Variants in STOX2 observed in about 807,000 individuals in gnomAD.
The protein encoded by STOX2 is storkhead box 2, also known as storkhead-box protein 2.
Under a neutral mutation model 60.9 loss-of-function variants are expected in STOX2, and 28 were observed. The observed-to-expected ratio is 0.46, with a 90% CI of 0.34 to 0.63. The LOEUF (loss-of-function observed/expected upper bound fraction) is 0.63. STOX2 is among the 30% of genes least tolerant of loss of function. The probability of loss-of-function intolerance (pLI) is 0.01; values close to 1 mark genes in which losing one functional copy is unlikely to be tolerated. For missense variants in STOX2, 1,024 were observed against 1,187.7 expected (o/e 0.86, Z 2.03); for synonymous variants, 472 against 463.9 (o/e 1.02, Z -0.22).
intron 1 of STOX2, among the ~76,000 whole-genome samples, chr4:183,815,267 T>C (rs1295758816): frequency 6.6e-6 from 1 of 152,002 alleles, no homozygotes; most frequent in Non-Finnish European, 1.5e-5. Context: ...GGATTATAGG[T>C]GTGGACCACT....
intron 1 of STOX2, among the ~76,000 whole-genome samples, chr4:183,835,913 C>A (rs943447543): frequency 1.3e-5 from 2 of 152,206 alleles, no homozygotes; most frequent in African/African-American, 4.8e-5. Flanking sequence ...TATGGTAACT[C>A]CATGTTTAAC....
chr4:183,837,578 C>A (rs1052420379), intron 1 of STOX2, among the ~76,000 whole-genome samples: 29 of 152,092 alleles, frequency 1.9e-4, no homozygotes, highest in African/African-American at 6.8e-4. Context: ...CCTGCCTCAG[C>A]CTCCCACGTA....
rs572515876 is a variant in STOX2 at position 183,820,053 on chromosome 4, C to T, written c.364+21998C>T. 3.9e-5 allele frequency among the ~76,000 whole-genome samples: 6 copies of T among 152,144 alleles called. No individual in the cohort carries two copies. The South Asian group carries it at 1.0e-3, about 26-fold the overall frequency. ...TCTTTTACTCTCTTTTTGAAGTATG[C>T]GCTAGTCACACCATTAAAATGATCT... On this transcript the variant is annotated intron_variant, in intron 1 of 2. Coordinates refer to the STOX2 transcript ENST00000513034.
At chr4:183,798,066 C>T in intron 1 of STOX2, 1 of 1,226,788 alleles carries the variant, frequency 8.2e-7, no homozygotes, top group Non-Finnish European at 1.0e-6. Flanking sequence ...GTGAGTGCGA[C>T]CGCCGCGCGC....
chr4:183,984,651 A>T (rs1732774695), intron 1 of STOX2, among the ~76,000 whole-genome samples: 1 of 152,220 alleles, frequency 6.6e-6, no homozygotes, highest in Admixed American at 6.5e-5. Context: ...CGAGACCATT[A>T]GCCATCAAGC....
chr4:183,807,499 C>T (rs2065393917), intron 1 of STOX2, among the ~76,000 whole-genome samples: 1 of 152,214 alleles, frequency 6.6e-6, no homozygotes. Context: ...GGGTTTGCAG[C>T]CTCTCTGGCC....
chr4:183,911,260 T>C (rs1267287313), intron 1 of STOX2, among the ~76,000 whole-genome samples: 1 of 152,198 alleles, frequency 6.6e-6, no homozygotes, highest in Non-Finnish European at 1.5e-5. Flanking sequence ...CATCCTGAAA[T>C]GTTACATTAA....
intron 1 of STOX2, among the ~76,000 whole-genome samples, chr4:183,802,321 C>T (rs981270903): frequency 5.3e-5 from 8 of 152,176 alleles, no homozygotes; most frequent in African/African-American, 1.9e-4. Flanking sequence ...TTGGTTTTCT[C>T]AAAAAGAGTT....
intron 1 of STOX2, among the ~76,000 whole-genome samples, chr4:183,921,415 A>C (rs866370037): frequency 1.3e-5 from 2 of 152,202 alleles, no homozygotes; most frequent in Non-Finnish European, 2.9e-5. Context: ...CATTAGATGT[A>C]TATTACAAAT....
At chr4:183,858,546 A>G (rs1457044928) in intron 1 of STOX2, among the ~76,000 whole-genome samples, 1 of 152,190 alleles carries the variant, frequency 6.6e-6, no homozygotes, top group Non-Finnish European at 1.5e-5. Context: ...AAGTTACCCA[A>G]GTGGTTCATG....
upstream of STOX2, among the ~76,000 whole-genome samples, chr4:183,900,403 A>G: frequency 6.6e-6 from 1 of 152,198 alleles, no homozygotes; most frequent in East Asian, 1.9e-4. Context: ...ATAAATTGGA[A>G]ACTTTCTGGA....
chr4:183,939,072 C>G (rs1021702360), intron 1 of STOX2, among the ~76,000 whole-genome samples: 2 of 152,194 alleles, frequency 1.3e-5, no homozygotes, highest in Admixed American at 1.3e-4. Context: ...TAAAAGCTAT[C>G]GGTAGCTAAC....
intron 1 of STOX2, among the ~76,000 whole-genome samples, chr4:183,915,361 T>C (rs998476621): frequency 3.3e-5 from 5 of 152,184 alleles, no homozygotes; most frequent in African/African-American, 1.2e-4. Context: ...GCTTTGAAAT[T>C]GTCTCGTTAT....
intron 1 of STOX2, among the ~76,000 whole-genome samples, chr4:183,893,276 G>GAAGT (rs1741268545): frequency 6.6e-6 from 1 of 152,204 alleles, no homozygotes; most frequent in Admixed American, 6.5e-5. Context: ...TGGCGGTACA[G>GAAGT]AAGTGATCAC....
At chr4:183,993,138 C>T (rs1048145445) in intron 1 of STOX2, among the ~76,000 whole-genome samples, 2 of 152,206 alleles carry the variant, frequency 1.3e-5, no homozygotes, top group African/African-American at 4.8e-5. Context: ...CGAGGATGGC[C>T]CCTTTCTGCC....
chr4:183,877,560 G>C (rs1026544461), intron 1 of STOX2, among the ~76,000 whole-genome samples: 1 of 152,196 alleles, frequency 6.6e-6, no homozygotes, highest in Non-Finnish European at 1.5e-5. Context: ...CTCTGTATGC[G>C]TGCTCTGCAC....
chr4:183,904,909 A>G (rs1000871531), upstream of STOX2, among the ~76,000 whole-genome samples: 1 of 152,226 alleles, frequency 6.6e-6, no homozygotes, highest in Non-Finnish European at 1.5e-5. Flanking sequence ...GCATATCCCT[A>G]TAAAGATTTA....
chr4:183,819,291 C>T (rs1739243964), intron 1 of STOX2, among the ~76,000 whole-genome samples: 1 of 152,040 alleles, frequency 6.6e-6, no homozygotes, highest in South Asian at 2.1e-4. Flanking sequence ...ATCTGCAATC[C>T]CGGCACCTCG....
At chr4:184,000,876 G>A (rs1465453163) in intron 1 of STOX2, among the ~76,000 whole-genome samples, 4 of 152,202 alleles carry the variant, frequency 2.6e-5, no homozygotes, top group South Asian at 2.1e-4. Context: ...GGGGAGAGGC[G>A]CGCACTCTGT....
Sources: gnomAD v4.1 joint callset for allele counts (sites outside exome capture counted in the v4.1 genomes callset) on GRCh38, gnomAD v4.1.1 for gene constraint, MANE v1.5 for transcripts, NCBI Gene and HGNC (gene_info 2026-07-23, HGNC 2026-07-21) for gene names.